The following NRXN3 variants were observed in gnomAD, a reference collection of about 807,000 sequenced individuals.
NRXN3 encodes the protein neurexin 3.
In NRXN3, 32 loss-of-function variants were observed where a neutral mutation model predicts 137.6. The observed-to-expected ratio is 0.23, with a 90% confidence interval of 0.18 to 0.31. The LOEUF is 0.31. NRXN3 is among the 10% of genes least tolerant of loss of function. NRXN3 has a pLI of 1.00. For missense variants in NRXN3, 1,574 were observed against 2,062.5 expected (o/e 0.76, Z 4.59); for synonymous variants, 798 against 784.5 (o/e 1.02, Z -0.29).
rs189688275 is a variant in NRXN3, at chr14:78,529,619, G to C, written c.758-115501G>C. 1.2e-3 allele frequency among the ~76,000 whole-genome samples: 185 copies of C among 152,290 alleles called. 3 individuals carry two copies. The East Asian group carries it at 0.031, about 25-fold the overall frequency. On this transcript the variant is annotated intron_variant, in intron 4 of 20. Coordinates refer to ENST00000335750, the MANE Select transcript of NRXN3 (RefSeq NM_001330195.2). ...TTTGCAGCTTTAGTCAACAGAGGCTGTTCCCACAGTTCCTCATCCTTCCCT... is the reference window on the plus strand; with the variant it reads ...TTTGCAGCTTTAGTCAACAGAGGCTCTTCCCACAGTTCCTCATCCTTCCCT...
chr14:78,584,285 C>T (rs2097036357), intron 4 of NRXN3, among the ~76,000 whole-genome samples: 1 of 152,192 alleles, frequency 6.6e-6, no homozygotes, highest in Non-Finnish European at 1.5e-5. Flanking sequence ...TTTACATCAG[C>T]TTTTGGTCAT....
At chr14:79,471,936 G>A (rs768617950) in intron 16 of NRXN3, among the ~76,000 whole-genome samples, 2 of 151,886 alleles carry the variant, frequency 1.3e-5, no homozygotes, top group Non-Finnish European at 2.9e-5. Context: ...TTATTTCATC[G>A]CCCAGGTATT....
At chr14:79,578,320 C>T (rs887947580) in intron 16 of NRXN3, among the ~76,000 whole-genome samples, 5 of 152,296 alleles carry the variant, frequency 3.3e-5, no homozygotes, top group South Asian at 2.1e-4. Flanking sequence ...ACAATAGGCA[C>T]GATGTTGCTG....
chr14:78,221,244 G>T lies in NRXN3; in HGVS notation c.-703-21147G>T, dbSNP rs117782112. Among the ~76,000 whole-genome samples the T allele has an allele frequency of 2.6e-5, 4 of 152,242 alleles. No individual in the cohort carries two copies. The South Asian group carries it at 6.2e-4, about 24-fold the overall frequency. ...CTGTGAGTGAAGAGATTAGGGTGCC[G>T]TATAGCTTTGGTGAGGTTAGCAAGG... is the stretch of plus-strand genomic sequence containing the variant. On this transcript the variant is annotated intron_variant, in intron 1 of 20. Coordinates refer to ENST00000335750, the MANE Select transcript of NRXN3 (RefSeq NM_001330195.2).
chr14:79,778,845 C>T (rs2099105587), intron 19 of NRXN3, among the ~76,000 whole-genome samples: 2 of 152,148 alleles, frequency 1.3e-5, no homozygotes, highest in Admixed American at 1.3e-4. Flanking sequence ...TTCTTTTAGG[C>T]ACTTCTTGGG....
chr14:79,073,656 G>C (rs1367279962), intron 15 of NRXN3, among the ~76,000 whole-genome samples: 1 of 152,118 alleles, frequency 6.6e-6, no homozygotes, highest in Non-Finnish European at 1.5e-5. Flanking sequence ...CTTTGCAACT[G>C]TTCCCAGCCC....
intron 19 of NRXN3, among the ~76,000 whole-genome samples, chr14:79,739,235 G>A (rs754305236): frequency 1.3e-5 from 2 of 152,142 alleles, no homozygotes; most frequent in Non-Finnish European, 2.9e-5. Flanking sequence ...ATAGCCTGGA[G>A]CTAATACAGT....
At chr14:78,533,788 C>T (rs80105736) in intron 4 of NRXN3, among the ~76,000 whole-genome samples, 5 of 152,206 alleles carry the variant, frequency 3.3e-5, no homozygotes, top group Non-Finnish European at 7.3e-5. Flanking sequence ...GGTTGAAGCA[C>T]CTTCCTTTCT....
intron 15 of NRXN3, among the ~76,000 whole-genome samples, chr14:79,358,888 A>G (rs1303077729): frequency 6.6e-6 from 1 of 152,174 alleles, no homozygotes; most frequent in Non-Finnish European, 1.5e-5. Context: ...AGAAAAAATT[A>G]TGTTGTTAAT....
At chr14:79,434,787 G>A (rs575877676) in intron 15 of NRXN3, among the ~76,000 whole-genome samples, 64 of 152,280 alleles carry the variant, frequency 4.2e-4, no homozygotes, top group Admixed American at 6.5e-4. Flanking sequence ...ATGCAAGTGC[G>A]GCTAAAGCCT....
At chr14:79,219,719 C>CTA (rs1232512941) in intron 15 of NRXN3, among the ~76,000 whole-genome samples, 2 of 150,846 alleles carry the variant, frequency 1.3e-5, no homozygotes, top group African/African-American at 2.5e-5. Flanking sequence ...ATTTTTGTTT[C>CTA]TATATCTGAC....
intron 16 of NRXN3, among the ~76,000 whole-genome samples, chr14:79,655,960 A>T (rs1264581139): frequency 6.6e-6 from 1 of 152,206 alleles, no homozygotes; most frequent in Non-Finnish European, 1.5e-5. Flanking sequence ...TCTGATTCAG[A>T]GGGTCTTGCA....
intron 1 of NRXN3, among the ~76,000 whole-genome samples, chr14:78,224,593 A>G (rs1425648597): frequency 6.6e-6 from 1 of 152,028 alleles, no homozygotes; most frequent in African/African-American, 2.4e-5. Flanking sequence ...TGTCCCTTCA[A>G]AGGACATGAA....
intron 4 of NRXN3, among the ~76,000 whole-genome samples, chr14:78,618,401 A>G (rs2097367240): frequency 1.3e-5 from 2 of 152,148 alleles, no homozygotes; most frequent in South Asian, 4.1e-4. Context: ...CACTTGACAC[A>G]TATTTACCCC....
chr14:78,489,444 G>A (rs1198996276), intron 4 of NRXN3, among the ~76,000 whole-genome samples: 4 of 152,086 alleles, frequency 2.6e-5, no homozygotes, highest in Non-Finnish European at 4.4e-5. Context: ...GCAATTTAGA[G>A]GGAGGAATGG....
intron 4 of NRXN3, among the ~76,000 whole-genome samples, chr14:78,352,404 G>A (rs907239710): frequency 6.6e-6 from 1 of 152,082 alleles, no homozygotes; most frequent in Middle Eastern, 3.2e-3. Context: ...CACTGGGTAA[G>A]CACTACAAAG....
rs72683310 is a variant in NRXN3 at position 79,865,555 on chromosome 14, G to A, written c.*3591G>A. On this transcript the variant is annotated 3_prime_UTR_variant, in exon 21 of 21. Coordinates refer to ENST00000335750, the MANE Select transcript of NRXN3 (RefSeq NM_001330195.2). ...TATACTATCGACTATGTTAGGAATG[G>A]GGGGGAGAAAGTCAGGTTCAGTGAT... 3 of 152,198 alleles carry A rather than the reference G, an allele frequency of 2.0e-5. No homozygotes were observed. Among genetic ancestry groups the A allele is most frequent in the South Asian group, 4.1e-4 (2 of 4,830 alleles). 9.4% of individuals were successfully genotyped at this position (152,198 alleles called of 1,614,324 possible).
At position 79,785,011 on chromosome 14, in the gene NRXN3, C is replaced by A. The variant is rs1220855139; in HGVS notation, c.4015-20101C>A. Among the ~76,000 whole-genome samples, 4 of 152,126 alleles carry A rather than the reference C, an allele frequency of 2.6e-5. No homozygotes were observed. In the South Asian group the frequency reaches 6.2e-4, roughly 24 times the overall value. The stretch of plus-strand genomic sequence containing the variant: ...GAATTGTTACCCACAGATAAGAATT[C>A]TTTGTAAGGCTTTCACCTTCTCATA... On this transcript the variant is annotated intron_variant, in intron 19 of 20. Coordinates refer to ENST00000335750, the MANE Select transcript of NRXN3 (RefSeq NM_001330195.2).
chr14:79,273,179 A>T (rs1047523607), intron 15 of NRXN3, among the ~76,000 whole-genome samples: 139 of 144,686 alleles, frequency 9.6e-4, no homozygotes, highest in African/African-American at 3.8e-3. Flanking sequence ...GGCCAAAAAA[A>T]AAAAAAAAAA....
Sources: gnomAD v4.1 joint callset for allele counts (sites outside exome capture counted in the v4.1 genomes callset) on GRCh38, gnomAD v4.1.1 for gene constraint, MANE v1.5 for transcripts, NCBI Gene and HGNC (gene_info 2026-07-23, HGNC 2026-07-21) for gene names.